Variants in CDH12 observed in about 807,000 individuals in gnomAD.
CDH12 encodes cadherin-12.
In CDH12, 41 loss-of-function variants were observed where a neutral mutation model predicts 74.1. The observed-to-expected ratio is 0.55, with a 90% CI of 0.43 to 0.72. The LOEUF is 0.72. Ranked by LOEUF, CDH12 falls within the 30% of genes least tolerant of loss-of-function variation. The probability of loss-of-function intolerance (pLI) is 0.00; values close to 1 mark genes in which losing one functional copy is unlikely to be tolerated. For synonymous variants in CDH12, 399 were observed against 355.0 expected, an observed-to-expected ratio of 1.12 and a Z score of -1.39; for missense variants, 945 against 977.2, an observed-to-expected ratio of 0.97 and a Z score of 0.44.
chr5:22,421,330 C>G (rs967044450), intron 2 of CDH12, among the ~76,000 whole-genome samples: 2 of 151,998 alleles, frequency 1.3e-5, no homozygotes, highest in Non-Finnish European at 2.9e-5. Flanking sequence ...TAATGCTAGC[C>G]CTCCCCTAAC....
At chr5:22,168,419 T>C (rs376025018) in intron 4 of CDH12, among the ~76,000 whole-genome samples, 41 of 152,130 alleles carry the variant, frequency 2.7e-4, no homozygotes, top group Non-Finnish European at 3.8e-4. Context: ...ATTGCTCATA[T>C]ATTTTGCTCT....
chr5:21,884,023 C>T lies in CDH12; in HGVS notation c.527-29233G>A. 6 of 1,472,166 alleles carry T rather than the reference C, an allele frequency of 4.1e-6. No homozygotes were observed. In the South Asian group the frequency reaches 6.8e-5, roughly 17 times the overall value. The allele number at this position is 1,472,166 out of a possible 1,614,324, so 91.2% of individuals were successfully genotyped here. On this transcript the variant is annotated intron_variant, in intron 6 of 14. Coordinates refer to ENST00000382254, the MANE Select transcript of CDH12 (RefSeq NM_004061.5). ...AGAACACTCAAAATTCCAGCAATGA[C>T]CACTGCTACGAATGCAGGTGTTGAA... is the stretch of plus-strand genomic sequence containing the variant.
chr5:22,102,002 C>A (rs1361572212), intron 4 of CDH12, among the ~76,000 whole-genome samples: 2 of 152,100 alleles, frequency 1.3e-5, no homozygotes, highest in East Asian at 3.9e-4. Flanking sequence ...CAGGAAATGA[C>A]CTGGATTTGA....
intron 4 of CDH12, among the ~76,000 whole-genome samples, chr5:22,181,942 T>C (rs1234172723): frequency 1.3e-5 from 2 of 152,198 alleles, no homozygotes; most frequent in African/African-American, 4.8e-5. Context: ...ACAATCTTTA[T>C]ATCCCAGGCT....
chr5:22,009,956 A>G (rs1317119669), intron 5 of CDH12, among the ~76,000 whole-genome samples: 4 of 150,820 alleles, frequency 2.7e-5, no homozygotes, highest in Admixed American at 6.6e-5. Context: ...AAAAAAAAAA[A>G]AAAGAAAAAA....
chr5:22,513,374 A>C (rs1477648428), intron 1 of CDH12, among the ~76,000 whole-genome samples: 1 of 138,980 alleles, frequency 7.2e-6, no homozygotes, highest in African/African-American at 2.9e-5. Context: ...CAACAGGTTC[A>C]AAAAAAAAAA....
At chr5:22,388,979 A>G (rs1054751051) in intron 3 of CDH12, among the ~76,000 whole-genome samples, 1 of 152,220 alleles carries the variant, frequency 6.6e-6, no homozygotes, top group African/African-American at 2.4e-5. Flanking sequence ...AGTTTTTCAA[A>G]GCATTTTAAA....
chr5:21,958,718 C>T (rs979280066), intron 6 of CDH12, among the ~76,000 whole-genome samples: 2 of 152,098 alleles, frequency 1.3e-5, no homozygotes, highest in African/African-American at 2.4e-5. Flanking sequence ...AGTTTGAGGT[C>T]AGATAGCCTG....
chr5:22,429,038 G>T (rs1249906037), intron 2 of CDH12, among the ~76,000 whole-genome samples: 3 of 151,944 alleles, frequency 2.0e-5, no homozygotes, highest in African/African-American at 7.3e-5. Flanking sequence ...TATAATTTCT[G>T]AAGCTTCTGA....
intron 6 of CDH12, among the ~76,000 whole-genome samples, chr5:21,880,488 T>C (rs1752193479): frequency 4.4e-5 from 2 of 45,620 alleles, no homozygotes; most frequent in Middle Eastern, 0.013. Flanking sequence ...CCTTCCTTCC[T>C]TCCTTCCTTC....
intron 6 of CDH12, among the ~76,000 whole-genome samples, chr5:21,925,937 T>C (rs1204383911): frequency 1.5e-5 from 1 of 66,418 alleles, no homozygotes; most frequent in East Asian, 1.1e-3. Context: ...TAACATGCTT[T>C]TGATAAAAAA....
At chr5:22,592,472 T>C (rs538004551) in intron 1 of CDH12, among the ~76,000 whole-genome samples, 2,150 of 152,294 alleles carry the variant, frequency 0.014, 23 homozygotes, top group Non-Finnish European at 0.022. Flanking sequence ...AGTTTACTTA[T>C]CTCTTGTGCT....
chr5:22,578,238 A>G (rs1322445566), intron 1 of CDH12, among the ~76,000 whole-genome samples: 2 of 152,186 alleles, frequency 1.3e-5, no homozygotes, highest in Non-Finnish European at 2.9e-5. Context: ...AGCTCTAAGT[A>G]TCAATGTTTT....
At chr5:22,562,739 T>C (rs1277278617) in intron 1 of CDH12, among the ~76,000 whole-genome samples, 1 of 151,380 alleles carries the variant, frequency 6.6e-6, no homozygotes, top group Non-Finnish European at 1.5e-5. Flanking sequence ...ATGCTAAATA[T>C]GCAAACAAAA....
chr5:22,471,488 C>G (rs1745956821), intron 2 of CDH12, among the ~76,000 whole-genome samples: 1 of 152,138 alleles, frequency 6.6e-6, no homozygotes, highest in Admixed American at 6.6e-5. Flanking sequence ...AATACTATCT[C>G]CTATCTTAAA....
At chr5:22,806,384 G>T (rs1373807251) in intron 1 of CDH12, among the ~76,000 whole-genome samples, 1 of 134,392 alleles carries the variant, frequency 7.4e-6, no homozygotes, top group Non-Finnish European at 1.5e-5. Flanking sequence ...ATGGAGTCTC[G>T]CTCTGTGGCC....
chr5:22,258,686 T>C (rs1554025023), intron 3 of CDH12, among the ~76,000 whole-genome samples: 1 of 152,176 alleles, frequency 6.6e-6, no homozygotes, highest in Non-Finnish European at 1.5e-5. Context: ...TTTTATACCA[T>C]ATATTTACTG....
intron 3 of CDH12, among the ~76,000 whole-genome samples, chr5:22,260,872 A>G (rs1753481430): frequency 6.6e-6 from 1 of 151,908 alleles, no homozygotes; most frequent in African/African-American, 2.4e-5. Context: ...AACAGCTTTG[A>G]CTCATAGAAT....
chr5:22,020,751 C>T (rs906127776), intron 5 of CDH12, among the ~76,000 whole-genome samples: 1 of 152,004 alleles, frequency 6.6e-6, no homozygotes, highest in Non-Finnish European at 1.5e-5. Context: ...AGTTATCCCC[C>T]CTCTCATGAC....
Sources: gnomAD v4.1 joint callset for allele counts (sites outside exome capture counted in the v4.1 genomes callset) on GRCh38, gnomAD v4.1.1 for gene constraint, MANE v1.5 for transcripts, NCBI Gene and HGNC (gene_info 2026-07-23, HGNC 2026-07-21) for gene names.